HCN4: variants seen among roughly 807,000 people sequenced by gnomAD.
HCN4 encodes the protein hyperpolarization activated cyclic nucleotide gated potassium channel 4, also known as potassium/sodium hyperpolarization-activated cyclic nucleotide-gated channel 4.
HCN4 carries 29 observed loss-of-function variants against 76.9 expected under a neutral mutation model. That is an observed-to-expected ratio of 0.38 (90% CI 0.28 to 0.51). HCN4 has a LOEUF of 0.51. Ranked by LOEUF, HCN4 falls within the 20% of genes least tolerant of loss-of-function variation. The pLI is 0.90. For missense variants in HCN4, 1,416 were observed against 1,715.2 expected (o/e 0.83, Z 3.08); for synonymous variants, 772 against 762.5 (o/e 1.01, Z -0.21).
Position 73,362,344 on chromosome 15 carries a change from T to C in HCN4, c.785+5142A>G, listed in dbSNP as rs2043108493. On this transcript the variant is annotated intron_variant, in intron 1 of 7. Transcript: ENST00000261917. ...TCAGTTTGGGAGCTTGGGCTAAGCATGGAACAAGCGCATGAACAGTAACCT... is the reference window on the plus strand; with the variant it reads ...TCAGTTTGGGAGCTTGGGCTAAGCACGGAACAAGCGCATGAACAGTAACCT... Among the ~76,000 whole-genome samples the C allele has an allele frequency of 2.0e-5, 3 of 152,280 alleles. No individual in the cohort carries two copies. The South Asian group carries it at 6.2e-4, about 32-fold the overall frequency.
intron 1 of HCN4, among the ~76,000 whole-genome samples, chr15:73,345,362 C>T (rs1456777968): frequency 6.6e-6 from 1 of 152,170 alleles, no homozygotes; most frequent in African/African-American, 2.4e-5. Flanking sequence ...GGCCTCAAGA[C>T]AGGGCCTTAT....
rs956683722 is a variant in HCN4 at position 73,328,018 on chromosome 15, G to T, written c.1590+1555C>A. On this transcript the variant is annotated intron_variant, in intron 4 of 7. Coordinates refer to ENST00000261917, the MANE Select transcript of HCN4 (RefSeq NM_005477.3). The surrounding 1 kb of genome is among the most constrained non-coding windows in gnomAD (Gnocchi z 4.0). ...AGGCATGGGGCATAAAACAGAAAACGACATACTGGGTCCTCCCCTCATGGA... is the reference window on the plus strand; with the variant it reads ...AGGCATGGGGCATAAAACAGAAAACTACATACTGGGTCCTCCCCTCATGGA... 6.6e-6 allele frequency among the ~76,000 whole-genome samples: 1 copy of T among 152,176 alleles called. No individual in the cohort carries two copies. The highest frequency in any genetic ancestry group is 1.9e-4 in the East Asian group (1 of 5,170).
rs767926374 is a variant in HCN4, at chr15:73,325,374, T to C, written c.1661A>G (p.Tyr554Cys). The C allele has an allele frequency of 3.1e-6, 5 of 1,613,980 alleles. No homozygotes were observed. The highest frequency in any genetic ancestry group is 2.2e-5 in the East Asian group (1 of 44,880). Residue 554 changes from tyrosine to cysteine, a missense_variant, in exon 5 of 8, where the codon TAC becomes TGC. Tyr to Cys is a radical substitution (Grantham distance 194). Coordinates refer to ENST00000261917, the MANE Select transcript of HCN4 (RefSeq NM_005477.3). This position sits in a 1 kb window ranked among gnomAD's most constrained non-coding sequence, Gnocchi z 7.4. ...CTTGCCCTGGTAGCGGTGCTCGTAG[T>C]AGTCGTGGATGCGCTGCCGGGTGTC... ...PPDTRQRIHDYYEHRYQGKMF... is the reference protein window; with the variant it reads ...PPDTRQRIHDCYEHRYQGKMF...
Position 73,368,172 on chromosome 15 carries a change from C to A in HCN4, c.99G>T (p.Glu33Asp), listed in dbSNP as rs1486991862. 1.3e-6 allele frequency: 2 copies of A among 1,530,648 alleles called. No individual in the cohort carries two copies. The highest frequency in any genetic ancestry group is 2.4e-5 in the South Asian group (2 of 82,454). 94.8% of individuals were successfully genotyped at this position (1,530,648 alleles called of 1,614,324 possible). ...CTTGGCGGCCCCCGGCCCCCTCCTCCTCGGCGTCCTCTTCCTCGTCCATGA... is the reference window on the plus strand; with the variant it reads ...CTTGGCGGCCCCCGGCCCCCTCCTCATCGGCGTCCTCTTCCTCGTCCATGA... ...AWIMDEEEDA[E>D]EEGAGGRQDP... is the part of the protein sequence containing the mutation. Residue 33 changes from glutamate (E) to aspartate (D), a missense_variant, in exon 1 of 8, where the codon GAG (glutamate) becomes GAT (aspartate). Glu to Asp is a conservative substitution (Grantham distance 45). Around this residue, in one of 6 missense-constraint regions of HCN4, gnomAD observed 355 missense variants for 347.8 expected, o/e 1.02. Transcript: ENST00000261917. This position sits in a 1 kb window ranked among gnomAD's most constrained non-coding sequence, Gnocchi z 6.9.
chr15:73,329,539 G>T, intron 4 of HCN4, 34 bp downstream of exon 4: 2 of 1,603,936 alleles, frequency 1.2e-6, no homozygotes, highest in Non-Finnish European at 1.7e-6. Flanking sequence ...TCTTGGGAGG[G>T]ACCAATGTGC....
At chr15:73,360,514 G>A (rs887858332) in intron 1 of HCN4, among the ~76,000 whole-genome samples, 1 of 152,150 alleles carries the variant, frequency 6.6e-6, no homozygotes, top group African/African-American at 2.4e-5. Context: ...TAATTCTCAG[G>A]AGAATGTTTT....
intron 1 of HCN4, among the ~76,000 whole-genome samples, chr15:73,353,901 A>G (rs116628566): frequency 0.012 from 1,895 of 151,728 alleles, 40 homozygotes; most frequent in African/African-American, 0.044. Flanking sequence ...ACCTCCCCTC[A>G]CTGTTGTTCT....
In HCN4 at chr15:73,323,303, C is replaced by T; in HGVS notation, c.2790G>A (p.Gln930=). Residue 930 remains glutamine, a synonymous_variant, in exon 8 of 8, where the codon CAG becomes CAA. Transcript: ENST00000261917. ...CAGCCTGCGGGGAGCGGGCGCCTGG[C>T]TGCAGCGGGGTGAGCAGGGGAGAGT... ...SSDSPLLTPL[Q]PGARSPQAAQ... 1 of 1,545,626 alleles carries T rather than the reference C, an allele frequency of 6.5e-7. No individual in the cohort carries two copies. Among genetic ancestry groups the T allele is most frequent in the Non-Finnish European group, 8.7e-7 (1 of 1,143,450 alleles).
In HCN4 at chr15:73,367,872, G is replaced by A. The variant is rs2043136395; in HGVS notation, c.399C>T (p.Ala133=). 1 of 1,337,210 alleles carries A rather than the reference G, an allele frequency of 7.5e-7. No homozygotes were observed. Among genetic ancestry groups the A allele is most frequent in the Non-Finnish European group, 9.6e-7 (1 of 1,041,768 alleles). 82.8% of individuals were successfully genotyped at this position (1,337,210 alleles called of 1,614,324 possible). A position where few individuals can be genotyped will look rare whatever the true frequency, so the allele number is the denominator to read the frequency against. ...CCTCGCCGGGGGACGCGTCGCCCTC[G>A]GCGATGAGCCGCCGCTCCTCCGCGG... is the stretch of plus-strand genomic sequence containing the variant. The part of the protein sequence containing the change: ...HDSAEERRLI[A]EGDASPGEDR... Residue 133 remains alanine, a synonymous_variant, in exon 1 of 8, where the codon GCC becomes GCT. Coordinates refer to ENST00000261917, the MANE Select transcript of HCN4 (RefSeq NM_005477.3). This position sits in a 1 kb window ranked among gnomAD's most constrained non-coding sequence, Gnocchi z 7.5.
At chr15:73,324,605 G>A (rs151115252) in intron 6 of HCN4, among the ~76,000 whole-genome samples, 49 of 152,322 alleles carry the variant, frequency 3.2e-4, no homozygotes, top group African/African-American at 1.1e-3. Context: ...TTAGGAGGAG[G>A]CCGGGGAGCT....
At chr15:73,356,826 GAA>G (rs892106421) in intron 1 of HCN4, among the ~76,000 whole-genome samples, 7 of 151,796 alleles carry the variant, frequency 4.6e-5, no homozygotes, top group Middle Eastern at 3.4e-3. Context: ...AACCCACAAG[GAA>G]AAAAAAGGTA....
At chr15:73,356,921 G>C (rs905118050) in intron 1 of HCN4, among the ~76,000 whole-genome samples, 11 of 152,172 alleles carry the variant, frequency 7.2e-5, no homozygotes, top group African/African-American at 2.7e-4. Context: ...CCAAGCTCTG[G>C]GGAGCCACCG....
intron 1 of HCN4, among the ~76,000 whole-genome samples, chr15:73,356,418 G>A (rs1274798403): frequency 9.4e-6 from 1 of 105,828 alleles, no homozygotes; most frequent in Non-Finnish European, 1.8e-5. Flanking sequence ...TCTCCATGTT[G>A]CCCAGGCTGG....
At chr15:73,336,985 C>A (rs1293662406) in intron 2 of HCN4, among the ~76,000 whole-genome samples, 1 of 152,204 alleles carries the variant, frequency 6.6e-6, no homozygotes, top group Non-Finnish European at 1.5e-5. Flanking sequence ...CCATCTCTGG[C>A]CACAGCGGCC....
chr15:73,341,071 T>TGTAG (rs1170292016), intron 2 of HCN4: 4 of 18,620 alleles, frequency 2.1e-4, no homozygotes, highest in Admixed American at 1.7e-3. Flanking sequence ...GGGAGGTAGG[T>TGTAG]GTGTGTGTGT....
Position 73,354,849 on chromosome 15 carries a change from C to G in HCN4, c.786-11041G>C, listed in dbSNP as rs931965189. Among the ~76,000 whole-genome samples, 8 of 152,272 alleles carry G rather than the reference C, an allele frequency of 5.3e-5. No homozygotes were observed. In the South Asian group the frequency reaches 1.7e-3, roughly 32 times the overall value. ...GTCCTGGCCTGAGAGCTAGGAGGAT[C>G]CTGAGGGACACAAATGGTCCCACCT... On this transcript the variant is annotated intron_variant, in intron 1 of 7. Transcript: ENST00000261917.
chr15:73,323,885 G>A lies in HCN4; in HGVS notation c.2208C>T (p.Tyr736=), dbSNP rs751080270. 6.2e-7 allele frequency: 1 copy of A among 1,604,158 alleles called. No homozygotes were observed. Among genetic ancestry groups the A allele is most frequent in the Admixed American group, 1.7e-5 (1 of 60,026 alleles). ...TCTGCTGGATGATCTCATTCTCCTG[G>A]TAGTTGAAGACGCCGGAGTTGAGGT... ...QHDLNSGVFN[Y]QENEIIQQIV... Residue 736 remains tyrosine (Y), a synonymous_variant, in exon 8 of 8, where the codon TAC becomes TAT. Coordinates refer to ENST00000261917, the MANE Select transcript of HCN4 (RefSeq NM_005477.3).
chr15:73,357,816 G>A (rs1595834036), intron 1 of HCN4, among the ~76,000 whole-genome samples: 2 of 152,024 alleles, frequency 1.3e-5, no homozygotes, highest in African/African-American at 2.4e-5. Flanking sequence ...CCCTAGGTAA[G>A]AGATCTTCCA....
intron 1 of HCN4, among the ~76,000 whole-genome samples, chr15:73,355,341 G>A (rs941894409): frequency 1.3e-5 from 2 of 152,222 alleles, no homozygotes; most frequent in Non-Finnish European, 2.9e-5. Flanking sequence ...ACAACACGAG[G>A]ATGGAGCTAG....
Sources: allele counts gnomAD v4.1 joint callset (sites outside exome capture counted in the v4.1 genomes callset), GRCh38; gene constraint gnomAD v4.1.1; regional missense constraint gnomAD v4.1.1; non-coding constraint Gnocchi (gnomAD v3.1); transcripts MANE v1.5; gene names NCBI Gene and HGNC (gene_info 2026-07-23, HGNC 2026-07-21).